The following KANK1 variants were observed in gnomAD, a reference collection of about 807,000 sequenced individuals.
The protein encoded by KANK1 is KN motif and ankyrin repeat domain-containing protein 1.
A neutral mutation model predicts 106.2 loss-of-function variants in KANK1; 109 were observed. That is an observed-to-expected ratio of 1.03 (90% CI 0.88 to 1.20). The LOEUF (loss-of-function observed/expected upper bound fraction) is 1.20, where lower values mean the gene tolerates loss of function less well. Ranked by LOEUF, KANK1 falls within the 50% of genes most tolerant of loss-of-function variation. The probability of loss-of-function intolerance (pLI) is 0.00; values close to 1 mark genes in which losing one functional copy is unlikely to be tolerated. For missense variants in KANK1, 2,399 were observed against 1,710.7 expected (o/e 1.40, Z -7.10); for synonymous variants, 873 against 652.2 (o/e 1.34, Z -5.16).
intron 2 of KANK1, chr9:693,330 G>A (rs1296683025): frequency 1.1e-6 from 1 of 935,266 alleles, no homozygotes; most frequent in African/African-American, 1.8e-5. Flanking sequence ...TTGTAACAGA[G>A]AGCCTTTCTC....
Position 710,850 on chromosome 9 carries a change from A to G in KANK1, c.84A>G (p.Lys28=). ...ILSGDQDKEQ[K]DPYFVETPYG... ...GTGGAGACCAGGACAAGGAACAGAA[A>G]GACCCTTACTTTGTGGAGACCCCCT... The change falls in exon 3 of 12, where the codon AAA becomes AAG. Residue 28 remains lysine (K), a synonymous_variant. Transcript: ENST00000382297. The G allele has an allele frequency of 6.2e-7, 1 of 1,612,348 alleles. No homozygotes were observed. The highest frequency in any genetic ancestry group is 8.5e-7 in the Non-Finnish European group (1 of 1,179,370).
At chr9:701,254 C>T (rs1207887887) in intron 2 of KANK1, among the ~76,000 whole-genome samples, 1 of 152,162 alleles carries the variant, frequency 6.6e-6, no homozygotes, top group Non-Finnish European at 1.5e-5. Flanking sequence ...CCTGGGATTA[C>T]AGGCATGCAC....
chr9:627,034 T>A (rs1330839350), intron 1 of KANK1, among the ~76,000 whole-genome samples: 1 of 150,940 alleles, frequency 6.6e-6, no homozygotes, highest in Admixed American at 6.7e-5. Context: ...GCTCTTTTCT[T>A]GTACCCTTTA....
chr9:505,433 C>G (rs1475305701), intron 1 of KANK1, among the ~76,000 whole-genome samples: 2 of 152,220 alleles, frequency 1.3e-5, no homozygotes, highest in East Asian at 1.9e-4. Context: ...TCCCGCGGTT[C>G]CAGGTCGAGG....
In KANK1 at chr9:662,549, C is replaced by CAAACCTGAG. The variant is rs1300015095; in HGVS notation, c.-83-14337_-83-14336insCTGAGAAAC. On this transcript the variant is annotated intron_variant, in intron 1 of 11. Coordinates refer to ENST00000382297, the MANE Select transcript of KANK1 (RefSeq NM_015158.5). ...ACATCTACAACCATCTGATCTTTGA[C>CAAACCTGAG]AAACACAAGAAATGAAGAAAGCATT... is the stretch of plus-strand genomic sequence containing the variant. Among the ~76,000 whole-genome samples, 22 of 151,932 alleles carry CAAACCTGAG rather than the reference C, an allele frequency of 1.4e-4. No homozygotes were observed. In the East Asian group the frequency reaches 4.1e-3, roughly 28 times the overall value.
At chr9:481,251 C>G (rs922112876) in intron 3 of KANK1, among the ~76,000 whole-genome samples, 2 of 152,002 alleles carry the variant, frequency 1.3e-5, no homozygotes, top group African/African-American at 2.4e-5. Context: ...ATAAGTCAAA[C>G]CATTGTAAGT....
chr9:625,206 T>A (rs1381891594), intron 1 of KANK1, among the ~76,000 whole-genome samples: 1 of 152,212 alleles, frequency 6.6e-6, no homozygotes, highest in Non-Finnish European at 1.5e-5. Context: ...AGACTGCTAC[T>A]GTCACGGGAA....
Position 479,339 on chromosome 9 carries a change from T to A in KANK1, c.-362+6066T>A, listed in dbSNP as rs140848227. Among the ~76,000 whole-genome samples the A allele has an allele frequency of 1.9e-3, 288 of 152,354 alleles. 2 individuals are homozygous for A. The highest frequency in any genetic ancestry group is 6.2e-3 in the African/African-American group (258 of 41,588). ...ATGGAAGAACACTGGAGTTGCTCAT[T>A]GACCTACAAGAACCACGCAGCCCTG... On this transcript the variant is annotated intron_variant, in intron 3 of 15. Coordinates refer to the KANK1 transcript ENST00000382303.
At chr9:732,673 A>C (rs1290954672) in intron 6 of KANK1, 56 bp downstream of exon 6, 3 of 1,584,216 alleles carry the variant, frequency 1.9e-6, no homozygotes, top group Non-Finnish European at 2.6e-6. Context: ...GTACTTTGGC[A>C]ATAGAGTTGG....
At chr9:519,199 T>G (rs769145772) in intron 1 of KANK1, among the ~76,000 whole-genome samples, 2 of 151,674 alleles carry the variant, frequency 1.3e-5, no homozygotes, top group Non-Finnish European at 2.9e-5. Flanking sequence ...GTCTTTCAAC[T>G]TTTACTAGGC....
At chr9:552,588 A>G (rs1460681662) in intron 1 of KANK1, among the ~76,000 whole-genome samples, 2 of 152,230 alleles carry the variant, frequency 1.3e-5, no homozygotes, top group Non-Finnish European at 2.9e-5. Flanking sequence ...TGAATGAACC[A>G]GAAGAAACTT....
At chr9:640,681 G>A (rs191252786) in intron 1 of KANK1, among the ~76,000 whole-genome samples, 6 of 151,164 alleles carry the variant, frequency 4.0e-5, no homozygotes, top group Admixed American at 3.9e-4. Flanking sequence ...ACAGGTGTGA[G>A]CCACCACGCC....
rs912404953 is a variant in KANK1, at chr9:577,735, A to G, written c.-84+72981A>G. On this transcript the variant is annotated intron_variant, in intron 1 of 11. Transcript: ENST00000382297. ...CTCTTGAATCAGAAATTCTGAGGGT[A>G]GGGCCCAGGAATTTATGTTTCAACA... Among the ~76,000 whole-genome samples the G allele has an allele frequency of 5.3e-5, 8 of 152,064 alleles. No homozygotes were observed. In the East Asian group the frequency reaches 1.5e-3, roughly 29 times the overall value.
At chr9:677,871 T>C (rs991448629) in intron 2 of KANK1, among the ~76,000 whole-genome samples, 3 of 152,180 alleles carry the variant, frequency 2.0e-5, no homozygotes, top group African/African-American at 7.2e-5. Flanking sequence ...GTTCCAGCAC[T>C]AACCGTGAAA....
chr9:554,460 C>G (rs554667464), intron 1 of KANK1, among the ~76,000 whole-genome samples: 2 of 152,304 alleles, frequency 1.3e-5, no homozygotes, highest in African/African-American at 4.8e-5. Context: ...CCTTTTCCCA[C>G]TTAGAAAAAA....
At chr9:652,217 T>A (rs923937905) in intron 1 of KANK1, among the ~76,000 whole-genome samples, 4 of 152,266 alleles carry the variant, frequency 2.6e-5, no homozygotes, top group African/African-American at 9.6e-5. Context: ...AGAAGTACAT[T>A]CATCAGAGTG....
At chr9:483,924 G>A (rs2058249141) in intron 3 of KANK1, among the ~76,000 whole-genome samples, 1 of 152,200 alleles carries the variant, frequency 6.6e-6, no homozygotes, top group African/African-American at 2.4e-5. Context: ...GAGCAGGTAT[G>A]ATTTGAAGAG....
intron 1 of KANK1, among the ~76,000 whole-genome samples, chr9:571,543 C>G (rs903530138): frequency 4.0e-5 from 6 of 151,398 alleles, no homozygotes; most frequent in Admixed American, 3.3e-4. Context: ...GGCAAGGAAA[C>G]AGCTATGCTT....
At chr9:512,570 C>G (rs1176712393) in intron 1 of KANK1, among the ~76,000 whole-genome samples, 1 of 152,154 alleles carries the variant, frequency 6.6e-6, no homozygotes, top group African/African-American at 2.4e-5. Context: ...CCATCATACC[C>G]TGCTACGAGC....
Sources: allele counts gnomAD v4.1 joint callset (sites outside exome capture counted in the v4.1 genomes callset), GRCh38; gene constraint gnomAD v4.1.1; transcripts MANE v1.5; gene names NCBI Gene and HGNC (gene_info 2026-07-23, HGNC 2026-07-21).